PCNX3: variants seen among roughly 807,000 people sequenced by gnomAD.
PCNX3 encodes pecanex-like protein 3.
Under a neutral mutation model 207.2 loss-of-function variants are expected in PCNX3, and 58 were observed. That is an observed-to-expected ratio of 0.28 (90% CI 0.23 to 0.35). The LOEUF is 0.35. Among genes scored for constraint, PCNX3 ranks in the 10% least tolerant of loss-of-function variants. The pLI is 1.00. For synonymous variants in PCNX3, 1,337 were observed against 1,183.5 expected (o/e 1.13, Z -2.66); for missense variants, 2,410 against 2,774.4 (o/e 0.87, Z 2.95).
At chr11:65,627,116 G>A in intron 21 of PCNX3, 68 bp downstream of exon 21, 2 of 1,446,176 alleles carry the variant, frequency 1.4e-6, no homozygotes, top group Admixed American at 2.8e-5. Context: ...GGAAACTGAG[G>A]CCTAGAGAGG....
rs371504980 is a variant in PCNX3 at position 65,617,245 on chromosome 11, G to A, written c.342-5G>A. On this transcript the variant is annotated splice_region_variant and splice_polypyrimidine_tract_variant and intron_variant, in intron 2 of 34. Transcript: ENST00000355703. ...CTCAAAGCTGCTGCTCTTTTTCACCGCCAGGGACCCCGGAGTGGAGATGAC... is the reference window on the plus strand; with the variant it reads ...CTCAAAGCTGCTGCTCTTTTTCACCACCAGGGACCCCGGAGTGGAGATGAC... 1.2e-4 allele frequency: 198 copies of A among 1,597,592 alleles called. No individual in the cohort carries two copies. Among genetic ancestry groups the A allele is most frequent in the Admixed American group, 2.8e-4 (16 of 57,446 alleles).
In PCNX3 at chr11:65,635,485, A is replaced by G. The variant is rs2135486201; in HGVS notation, c.5184+37A>G. On this transcript the variant is annotated intron_variant, in intron 31 of 34. Coordinates refer to ENST00000355703, the MANE Select transcript of PCNX3 (RefSeq NM_032223.4). The surrounding 1 kb of genome is among the most constrained non-coding windows in gnomAD (Gnocchi z 9.9). ...CCCACCTGCCCTAAGCCCTGCCCCA[A>G]ACCCCCTTGGGCCGGCCCCCTGACC... 1.2e-6 allele frequency: 2 copies of G among 1,606,714 alleles called. No individual in the cohort carries two copies. The highest frequency in any genetic ancestry group is 1.7e-6 in the Non-Finnish European group (2 of 1,177,738).
At position 65,625,845 on chromosome 11, in the gene PCNX3, C is replaced by T. The variant is rs1855358613; in HGVS notation, c.3229-59C>T. 6.3e-7 allele frequency: 1 copy of T among 1,598,748 alleles called. No homozygotes were observed. The highest frequency in any genetic ancestry group is 8.5e-7 in the Non-Finnish European group (1 of 1,171,436). On this transcript the variant is annotated intron_variant, in intron 19 of 34. Coordinates refer to ENST00000355703, the MANE Select transcript of PCNX3 (RefSeq NM_032223.4). The surrounding 1 kb of genome is among the most constrained non-coding windows in gnomAD (Gnocchi z 5.6). ...CCCTCCCCGGCCTGTGCCAGGTGGC[C>T]CTCTGTGGTCCCTTGGCCTGCTCCC...
Position 65,618,259 on chromosome 11 carries a change from C to T in PCNX3, c.897C>T (p.Asp299=), listed in dbSNP as rs1268375636. The stretch of plus-strand genomic sequence containing the variant: ...CGCCCCAGAAAGCCGGCTCCTCAGA[C>T]TCCTGCTTCAGCGGCACTGACAGGG... ...EPTPQKAGSS[D]SCFSGTDRET... The change falls in exon 6 of 35, where the codon GAC becomes GAT. Residue 299 remains aspartate (D), a synonymous_variant. Transcript: ENST00000355703. 10 of 1,610,230 alleles carry T rather than the reference C, an allele frequency of 6.2e-6. No individual in the cohort carries two copies. The highest frequency in any genetic ancestry group is 1.7e-5 in the Admixed American group (1 of 59,836).
At chr11:65,620,305 G>A (rs754136933) in intron 8 of PCNX3, 34 bp from the exon 9 acceptor site, 2 of 1,590,580 alleles carry the variant, frequency 1.3e-6, no homozygotes, top group Non-Finnish European at 1.7e-6. Context: ...TTCTGTCTCT[G>A]CCACGCTGCC....
chr11:65,631,092 AG>A (rs1213453195), intron 27 of PCNX3, among the ~76,000 whole-genome samples: 1 of 152,222 alleles, frequency 6.6e-6, no homozygotes, highest in Non-Finnish European at 1.5e-5. Flanking sequence ...TGGCTTGCAG[AG>A]GTTCCAGAAT....
intron 22 of PCNX3, among the ~76,000 whole-genome samples, chr11:65,628,370 T>C (rs952835169): frequency 3.9e-5 from 6 of 152,160 alleles, no homozygotes; most frequent in Middle Eastern, 3.2e-3. Flanking sequence ...AGGGTACTTG[T>C]GTGAACTAAA....
At chr11:65,632,826 T>C (rs1855670296) in intron 27 of PCNX3, among the ~76,000 whole-genome samples, 1 of 151,410 alleles carries the variant, frequency 6.6e-6, no homozygotes, top group Non-Finnish European at 1.5e-5. Context: ...TTCACTGCAG[T>C]GTCCACCTCC....
chr11:65,629,882 C>T, intron 26 of PCNX3, 147 bp downstream of exon 26: 1 of 877,978 alleles, frequency 1.1e-6, no homozygotes, highest in South Asian at 1.6e-5. Context: ...CTCCCTGGGC[C>T]TGCGTTTCCC....
In PCNX3 at chr11:65,635,024, C is replaced by T. The variant is rs1299006827; in HGVS notation, c.4857C>T (p.Arg1619=). The T allele has an allele frequency of 6.2e-7, 1 of 1,613,918 alleles. No homozygotes were observed. Among genetic ancestry groups the T allele is most frequent in the Non-Finnish European group, 8.5e-7 (1 of 1,179,866 alleles). Residue 1619 remains arginine (R), a synonymous_variant, in exon 30 of 35, where the codon CGC becomes CGT. Transcript: ENST00000355703. The surrounding 1 kb of genome is among the most constrained non-coding windows in gnomAD (Gnocchi z 9.9). Reference sequence around the variant, plus strand: ...ACGCCCTGTTCAAGGGGGATTTTCGCATCACCTCCCCACGTGACGAGTGGG... The same window carrying T: ...ACGCCCTGTTCAAGGGGGATTTTCGTATCACCTCCCCACGTGACGAGTGGG... ...GLHALFKGDF[R]ITSPRDEWVF...
rs1056843058 is a variant in PCNX3, at chr11:65,617,465, C to T, written c.442-5C>T. 5 of 1,613,844 alleles carry T rather than the reference C, an allele frequency of 3.1e-6. No homozygotes were observed. Among genetic ancestry groups the T allele is most frequent in the Non-Finnish European group, 4.2e-6 (5 of 1,179,896 alleles). On this transcript the variant is annotated splice_region_variant and splice_polypyrimidine_tract_variant and intron_variant, in intron 3 of 34. Transcript: ENST00000355703. ...TTGTTCCTTCATGGCTCTCTGTCTA[C>T]TCAGGAGCTGCTGCCCCGAATGGAG...
In PCNX3 at chr11:65,616,176, C is replaced by G; in HGVS notation, c.-136C>G. ...TCGCACCCTCGCGCGGCCGAGCCCC[C>G]CTCCCCCGCTGGGGGAGGCCATGGC... On this transcript the variant is annotated 5_prime_UTR_variant, in exon 1 of 35. Coordinates refer to ENST00000355703, the MANE Select transcript of PCNX3 (RefSeq NM_032223.4). 4 of 635,340 alleles carry G rather than the reference C, an allele frequency of 6.3e-6. No individual in the cohort carries two copies. Among genetic ancestry groups the G allele is most frequent in the Non-Finnish European group, 9.2e-6 (4 of 433,572 alleles). 39.4% of individuals were successfully genotyped at this position (635,340 alleles called of 1,614,324 possible).
intron 27 of PCNX3, among the ~76,000 whole-genome samples, chr11:65,631,235 G>A (rs1855604838): frequency 6.6e-6 from 1 of 152,160 alleles, no homozygotes; most frequent in Admixed American, 6.5e-5. Context: ...GGGGGTTGGT[G>A]AGGCAATGTG....
Position 65,636,934 on chromosome 11 carries a change from C to T in PCNX3, c.6061C>T (p.Arg2021Cys), listed in dbSNP as rs1489501865. ...LGDWPAPIEE[R>C]ESPAAQPLLE... is the part of the protein sequence containing the mutation. ...CGACTGGCCTGCCCCTATTGAGGAG[C>T]GTGAGAGCCCGGCAGCCCAGCCCCT... Residue 2021 changes from arginine to cysteine, a missense_variant, in exon 35 of 35, where the codon CGT (arginine) becomes TGT (cysteine). Transcript: ENST00000355703. 9 of 1,564,454 alleles carry T rather than the reference C, an allele frequency of 5.8e-6. No individual in the cohort carries two copies. Among genetic ancestry groups the T allele is most frequent in the African/African-American group, 1.4e-5 (1 of 73,768 alleles).
chr11:65,620,758 TGGCCTC>T, intron 9 of PCNX3, 67 bp from the exon 10 acceptor site: 41 of 1,547,732 alleles, frequency 2.6e-5, no homozygotes, highest in Non-Finnish European at 3.5e-5. Context: ...TGCCTGGCCT[TGGCCTC>T]GGCCTCGACC....
In PCNX3 at chr11:65,627,388, C is replaced by T; in HGVS notation, c.3525-17C>T. On this transcript the variant is annotated splice_polypyrimidine_tract_variant and intron_variant, in intron 21 of 34. Coordinates refer to ENST00000355703, the MANE Select transcript of PCNX3 (RefSeq NM_032223.4). ...CGGTCCCCTACCAAGCACCCGATGC[C>T]TGCCCCTTGCCCACAGCTGCCGGGC... 1 of 1,604,278 alleles carries T rather than the reference C, an allele frequency of 6.2e-7. No individual in the cohort carries two copies.
At chr11:65,621,009 G>C in intron 10 of PCNX3, 43 bp downstream of exon 10, 1 of 1,491,652 alleles carries the variant, frequency 6.7e-7, no homozygotes, top group Non-Finnish European at 8.9e-7. Flanking sequence ...GGGGCGTGAC[G>C]GGGCGGGCAG....
chr11:65,630,711 A>G (rs1855585071), intron 27 of PCNX3, 107 bp downstream of exon 27: 4 of 1,449,100 alleles, frequency 2.8e-6, no homozygotes, highest in Non-Finnish European at 2.8e-6. Context: ...TGTTTTGTCC[A>G]AGGGAAGCTG....
intron 27 of PCNX3, among the ~76,000 whole-genome samples, chr11:65,631,000 C>T (rs530256763): frequency 6.6e-6 from 1 of 152,366 alleles, no homozygotes; most frequent in African/African-American, 2.4e-5. Context: ...CACGGGTGGG[C>T]GCTATGCTGG....
Sources: gnomAD v4.1 joint callset for allele counts (sites outside exome capture counted in the v4.1 genomes callset) on GRCh38, gnomAD v4.1.1 for gene constraint, Gnocchi (gnomAD v3.1) non-coding constraint, MANE v1.5 for transcripts, NCBI Gene and HGNC (gene_info 2026-07-23, HGNC 2026-07-21) for gene names.